The following MACF1 variants were observed in gnomAD, a reference collection of about 807,000 sequenced individuals.
MACF1 encodes the protein microtubule-actin cross-linking factor 1.
Under a neutral mutation model 854.8 loss-of-function variants are expected in MACF1, and 193 were observed. The ratio of observed to expected loss-of-function variants is 0.23; its 90% CI spans 0.20 to 0.25. The LOEUF (loss-of-function observed/expected upper bound fraction) is 0.25, where lower values mean the gene tolerates loss of function less well. Ranked by LOEUF, MACF1 falls within the 10% of genes least tolerant of loss-of-function variation. The probability of loss-of-function intolerance (pLI) is 1.00; values close to 1 mark genes in which losing one functional copy is unlikely to be tolerated. For missense variants in MACF1, 7,722 were observed against 8,929.1 expected (o/e 0.86, Z 5.45); for synonymous variants, 3,185 against 3,226.7 (o/e 0.99, Z 0.44).
chr1:39,140,378 C>T (rs1250065771), intron 2 of MACF1, among the ~76,000 whole-genome samples: 1 of 152,196 alleles, frequency 6.6e-6, no homozygotes, highest in Non-Finnish European at 1.5e-5. Context: ...TGGCCTACTA[C>T]TTTGTACTGT....
chr1:39,215,426 A>AT (rs1286453619), intron 1 of MACF1: 1 of 146,204 alleles, frequency 6.8e-6, no homozygotes, highest in Non-Finnish European at 1.5e-5. Flanking sequence ...CATGTGCTGT[A>AT]TGGGTTAGTA....
At chr1:39,344,043 A>G (rs759772844) in intron 40 of MACF1, among the ~76,000 whole-genome samples, 2 of 148,970 alleles carry the variant, frequency 1.3e-5, no homozygotes, top group Non-Finnish European at 3.0e-5. Flanking sequence ...TGAACCCGGG[A>G]GGCAGAGGTT....
intron 51 of MACF1, among the ~76,000 whole-genome samples, chr1:39,371,566 C>A (rs1019627956): frequency 1.3e-5 from 2 of 152,044 alleles, no homozygotes; most frequent in African/African-American, 4.8e-5. Flanking sequence ...GGAGACTTAA[C>A]GTGATGTGGT....
Position 39,474,852 on chromosome 1 carries a change from G to A in MACF1, c.21959-4946G>A, listed in dbSNP as rs150303522. Among the ~76,000 whole-genome samples, 662 of 152,278 alleles carry A rather than the reference G, an allele frequency of 4.3e-3. 5 individuals carry two copies. Among genetic ancestry groups the A allele is most frequent in the African/African-American group, 0.014 (600 of 41,554 alleles). On this transcript the variant is annotated intron_variant, in intron 97 of 100. Transcript: ENST00000564288. ...TTGCTTCAGCCACATCTTAAAGGAGGTAACACTTGACCAGAAGGAAAAGGG... is the reference window on the plus strand; with the variant it reads ...TTGCTTCAGCCACATCTTAAAGGAGATAACACTTGACCAGAAGGAAAAGGG...
chr1:39,381,607 G>A (rs1479727258), intron 55 of MACF1, among the ~76,000 whole-genome samples: 1 of 152,042 alleles, frequency 6.6e-6, no homozygotes, highest in Non-Finnish European at 1.5e-5. Flanking sequence ...GGGCTCAAGT[G>A]ATTTTCCCAC....
intron 2 of MACF1, among the ~76,000 whole-genome samples, chr1:39,191,725 A>G (rs1350708602): frequency 6.6e-6 from 1 of 152,188 alleles, no homozygotes; most frequent in African/African-American, 2.4e-5. Context: ...TTAGAGAGTA[A>G]GGGCTTAATC....
intron 1 of MACF1, among the ~76,000 whole-genome samples, chr1:39,223,119 A>G (rs1644673877): frequency 6.6e-6 from 1 of 152,238 alleles, no homozygotes; most frequent in South Asian, 2.1e-4. Context: ...AGGCTGAAGA[A>G]TGAGTAGTCA....
chr1:39,246,156 T>C (rs1186653574), intron 2 of MACF1, among the ~76,000 whole-genome samples: 1 of 152,200 alleles, frequency 6.6e-6, no homozygotes, highest in Non-Finnish European at 1.5e-5. Context: ...TTCCATCTCC[T>C]GCCTTCTAAT....
chr1:39,227,724 G>A (rs746772701), intron 1 of MACF1, among the ~76,000 whole-genome samples: 2 of 152,074 alleles, frequency 1.3e-5, no homozygotes, highest in Non-Finnish European at 2.9e-5. Flanking sequence ...ATCCTATCTC[G>A]CCACTACCTA....
intron 95 of MACF1, among the ~76,000 whole-genome samples, chr1:39,467,258 G>A (rs978590605): frequency 3.9e-5 from 6 of 152,078 alleles, no homozygotes; most frequent in South Asian, 2.1e-4. Flanking sequence ...CCAGCTACTC[G>A]GAAGGCTGAG....
chr1:39,096,659 GAC>G (rs943526057), intron 2 of MACF1, among the ~76,000 whole-genome samples: 2 of 151,502 alleles, frequency 1.3e-5, no homozygotes, highest in Non-Finnish European at 2.9e-5. Flanking sequence ...TTGTTTTTGA[GAC>G]AGAGTTTTGC....
Position 39,359,201 on chromosome 1 carries a change from C to T in MACF1, c.12181C>T (p.Arg4061Cys), listed in dbSNP as rs201462187. Residue 4061 changes from arginine (R) to cysteine (C), a missense_variant, in exon 47 of 101, where the codon CGT (arginine) becomes TGT (cysteine). Around this residue, in one of 15 missense-constraint regions of MACF1, gnomAD observed 2,807 missense variants for 3,235.8 expected, o/e 0.87. Transcript: ENST00000564288. Reference protein sequence around the residue: ...VPVEKLQKVARDIMEIEGEPA... With the variant: ...VPVEKLQKVACDIMEIEGEPA... Reference sequence around the variant, plus strand: ...TGTGGAAAAACTCCAAAAAGTAGCTCGTGACATAATGGAAATTGAAGGGGA... The same window carrying T: ...TGTGGAAAAACTCCAAAAAGTAGCTTGTGACATAATGGAAATTGAAGGGGA... 2.9e-5 allele frequency: 46 copies of T among 1,613,954 alleles called. No homozygotes were observed. The highest frequency in any genetic ancestry group is 3.3e-5 in the South Asian group (3 of 91,068).
rs1643785193 is a variant in MACF1 at position 39,428,219 on chromosome 1, A to G, written c.16735A>G (p.Lys5579Glu). The G allele has an allele frequency of 1.2e-6, 2 of 1,614,150 alleles. No homozygotes were observed. The highest frequency in any genetic ancestry group is 1.3e-5 in the African/African-American group (1 of 75,070). ...VLNWLAEVED[K>E]LSSVFVKDFK... ...CAACTGGCTGGCTGAGGTTGAGGACAAGCTCAGTTCAGTGTTCGTAAAGGA... is the reference window on the plus strand; with the variant it reads ...CAACTGGCTGGCTGAGGTTGAGGACGAGCTCAGTTCAGTGTTCGTAAAGGA... Residue 5579 changes from lysine to glutamate, a missense_variant, in exon 63 of 101, where the codon AAG becomes GAG. This residue lies in a region of MACF1 where 2,807 missense variants were observed against 3,235.8 expected (regional missense o/e 0.87). Coordinates refer to ENST00000564288, the MANE Select transcript of MACF1 (RefSeq NM_001394062.1).
chr1:39,370,045 A>T lies in MACF1; in HGVS notation c.12954A>T (p.Ser4318=), dbSNP rs1052420018. ...KTVKEREKDA[S]SCQEQLDEFR... ...TCATTGACAGAGAGAAAGATGCATC[A>T]TCTTGCCAGGAACAGTTGGATGAAT... The change falls in exon 51 of 101, where the codon TCA becomes TCT. Residue 4318 remains serine (S), a synonymous_variant. Transcript: ENST00000564288. 6.2e-7 allele frequency: 1 copy of T among 1,611,522 alleles called. No individual in the cohort carries two copies. Among genetic ancestry groups the T allele is most frequent in the Non-Finnish European group, 8.5e-7 (1 of 1,179,294 alleles).
At position 39,332,641 on chromosome 1, in the gene MACF1, G is replaced by T. The variant is rs1449843128; in HGVS notation, c.6053G>T (p.Gly2018Val). The change falls in exon 37 of 101, where the codon GGA (glycine) becomes GTA (valine). Residue 2018 changes from glycine (G) to valine (V), a missense_variant. Around this residue, in one of 15 missense-constraint regions of MACF1, gnomAD observed 1,531 missense variants for 1,601.6 expected, o/e 0.96. Transcript: ENST00000564288. Reference protein sequence around the residue: ...IGHQRQKTPEGLQESANVKIS... With the variant: ...IGHQRQKTPEVLQESANVKIS... ...CATCAAAGGCAAAAAACTCCTGAGG[G>T]ATTGCAAGAATCAGCTAATGTGAAA... 7.4e-6 allele frequency: 12 copies of T among 1,614,092 alleles called. No individual in the cohort carries two copies. Among genetic ancestry groups the T allele is most frequent in the African/African-American group, 1.3e-5 (1 of 74,936 alleles).
chr1:39,452,938 G>A, intron 87 of MACF1, 126 bp downstream of exon 87: 2 of 1,111,818 alleles, frequency 1.8e-6, no homozygotes, highest in Non-Finnish European at 2.5e-6. Flanking sequence ...AAACCAGAGT[G>A]GCCCTAGCTC....
At chr1:39,389,065 G>A (rs1034164820) in intron 58 of MACF1, among the ~76,000 whole-genome samples, 5 of 151,246 alleles carry the variant, frequency 3.3e-5, no homozygotes, top group Non-Finnish European at 5.9e-5. Flanking sequence ...TTGTAGAGAC[G>A]AGGTTTCACC....
chr1:39,156,436 T>C (rs1217033890), intron 2 of MACF1, among the ~76,000 whole-genome samples: 3 of 152,138 alleles, frequency 2.0e-5, no homozygotes, highest in Non-Finnish European at 4.4e-5. Flanking sequence ...CTGGGCAACA[T>C]GGTGAAACAC....
Position 39,409,981 on chromosome 1 carries a change from G to T in MACF1, c.15817-12393G>T. 3.0e-6 allele frequency: 1 copy of T among 331,334 alleles called. No homozygotes were observed. The highest frequency in any genetic ancestry group is 5.5e-6 in the Non-Finnish European group (1 of 183,198). 20.5% of individuals were successfully genotyped at this position (331,334 alleles called of 1,614,324 possible). A position where few individuals can be genotyped will look rare whatever the true frequency, so the allele number is the denominator to read the frequency against. On this transcript the variant is annotated intron_variant, in intron 58 of 100. Transcript: ENST00000564288. This position sits in a 1 kb window ranked among gnomAD's most constrained non-coding sequence, Gnocchi z 4.2. ...TTTGTTGACTGTATTTGAAAGAGCA[G>T]TGCTCTTAAAAAAAATTAAACCATA...
Sources: gnomAD v4.1 joint callset for allele counts (sites outside exome capture counted in the v4.1 genomes callset) on GRCh38, gnomAD v4.1.1 for gene constraint, gnomAD v4.1.1 regional missense constraint, Gnocchi (gnomAD v3.1) non-coding constraint, MANE v1.5 for transcripts, NCBI Gene and HGNC (gene_info 2026-07-23, HGNC 2026-07-21) for gene names.